Variants in SLIT2 observed in about 807,000 individuals in gnomAD.
SLIT2 encodes slit homolog 2 protein.
SLIT2 carries 41 observed loss-of-function variants against 185.7 expected under a neutral mutation model. The observed-to-expected ratio is 0.22, with a 90% CI of 0.17 to 0.29. SLIT2 has a LOEUF of 0.29. SLIT2 is among the 10% of genes least tolerant of loss of function. The pLI, the probability that SLIT2 is intolerant of heterozygous loss-of-function variation, is 1.00. For missense variants in SLIT2, 1,571 were observed against 1,909.0 expected, an observed-to-expected ratio of 0.82 and a Z score of 3.30; for synonymous variants, 693 against 680.2, an observed-to-expected ratio of 1.02 and a Z score of -0.29.
In SLIT2 at chr4:20,472,453, GATAT is replaced by G. The variant is rs1232535835; in HGVS notation, c.467+4633_467+4636del. On this transcript the variant is annotated intron_variant, in intron 5 of 36. Coordinates refer to ENST00000504154, the MANE Select transcript of SLIT2 (RefSeq NM_004787.4). ...ATATCTATAGATATATATCTATATA[GATAT>G]ATCTATATCTATATATAGATATATA... Among the ~76,000 whole-genome samples, 2 of 23,460 alleles carry G rather than the reference GATAT, an allele frequency of 8.5e-5. 1 individual carries two copies. The highest frequency in any genetic ancestry group is 1.5e-4 in the Non-Finnish European group (2 of 13,266). The allele number at this position is 23,460 out of a possible 152,430, so 15.4% of individuals were successfully genotyped here. A position where few individuals can be genotyped will look rare whatever the true frequency, so the allele number is the denominator to read the frequency against.
At chr4:20,278,549 A>T (rs542719630) in intron 4 of SLIT2, among the ~76,000 whole-genome samples, 1 of 152,150 alleles carries the variant, frequency 6.6e-6, no homozygotes, top group Admixed American at 6.5e-5. Context: ...ACAAAAACCC[A>T]GAAATAGGAA....
intron 9 of SLIT2, among the ~76,000 whole-genome samples, chr4:20,499,815 T>C (rs1041892734): frequency 3.9e-5 from 6 of 152,182 alleles, no homozygotes; most frequent in Admixed American, 2.6e-4. Context: ...TGTAAAGATA[T>C]GCAAGTTAGA....
At chr4:20,472,414 ATCTATATATATAGATATC>A (rs1715383745) in intron 5 of SLIT2, among the ~76,000 whole-genome samples, 1 of 87,252 alleles carries the variant, frequency 1.1e-5, no homozygotes, top group Admixed American at 1.5e-4. Context: ...ATATCTATAT[ATCTATATATATAGATATC>A]TATAGATATA....
intron 11 of SLIT2, among the ~76,000 whole-genome samples, chr4:20,515,338 T>C (rs1292484309): frequency 6.6e-6 from 1 of 152,182 alleles, no homozygotes; most frequent in African/African-American, 2.4e-5. Flanking sequence ...TCCCAGAGAA[T>C]CTTTCTTTAT....
chr4:20,322,938 G>C (rs148499470), intron 4 of SLIT2, among the ~76,000 whole-genome samples: 11 of 152,222 alleles, frequency 7.2e-5, no homozygotes, highest in Admixed American at 5.2e-4. Context: ...TACATCAGTG[G>C]ATTAGTTGAG....
chr4:20,443,307 C>T (rs1488019618), intron 4 of SLIT2, among the ~76,000 whole-genome samples: 1 of 152,070 alleles, frequency 6.6e-6, no homozygotes. Context: ...TAATTTCTTT[C>T]CACATGAGAG....
At chr4:20,583,046 T>G (rs1423053304) in intron 29 of SLIT2, among the ~76,000 whole-genome samples, 2 of 152,238 alleles carry the variant, frequency 1.3e-5, no homozygotes, top group African/African-American at 2.4e-5. Context: ...ATTGTTTATT[T>G]CTGGAATTTT....
chr4:20,592,607 G>A (rs1392462729), intron 30 of SLIT2, among the ~76,000 whole-genome samples: 2 of 152,086 alleles, frequency 1.3e-5, no homozygotes, highest in Admixed American at 6.6e-5. Flanking sequence ...CAGCCGCTAT[G>A]GTGGATGTGT....
intron 9 of SLIT2, among the ~76,000 whole-genome samples, chr4:20,493,711 G>A (rs1258120263): frequency 1.3e-5 from 2 of 152,076 alleles, no homozygotes; most frequent in Non-Finnish European, 2.9e-5. Context: ...TAAAACTAAG[G>A]GCGGTTGTCA....
intron 4 of SLIT2, among the ~76,000 whole-genome samples, chr4:20,342,434 GT>G (rs1721032575): frequency 6.6e-6 from 1 of 151,952 alleles, no homozygotes; most frequent in East Asian, 1.9e-4. Context: ...TGCTAACAGG[GT>G]TTTACCACAT....
In SLIT2 at chr4:20,253,968, G is replaced by A. The variant is rs1722247955; in HGVS notation, c.153G>A (p.Arg51=). Reference sequence around the variant, plus strand: ...GGCTGGCGCTGCGCAGCGTGCCCAGGAATATCCCCCGCAACACCGAGAGAC... The same window carrying A: ...GGCTGGCGCTGCGCAGCGTGCCCAGAAATATCCCCCGCAACACCGAGAGAC... ...CHGLALRSVP[R]NIPRNTERLD... is the part of the protein sequence containing the mutation. Residue 51 remains arginine, a synonymous_variant, in exon 1 of 37, where the codon AGG becomes AGA. Transcript: ENST00000504154. The A allele has an allele frequency of 1.2e-6, 2 of 1,602,848 alleles. No individual in the cohort carries two copies. The highest frequency in any genetic ancestry group is 1.7e-6 in the Non-Finnish European group (2 of 1,179,686).
chr4:20,256,733 C>T lies in SLIT2; in HGVS notation c.241C>T (p.Leu81=). The change falls in exon 2 of 37, where the codon CTA becomes TTA. Residue 81 remains leucine, a synonymous_variant. Coordinates refer to ENST00000504154, the MANE Select transcript of SLIT2 (RefSeq NM_004787.4). ...TKTDFAGLRH[L]RVLQLMENKI... is the part of the protein sequence containing the mutation. ...GACAGATTTTGCTGGTCTTAGACAT[C>T]TAAGAGTTCTGTAAGTGCATCCTCT... 1 of 1,523,198 alleles carries T rather than the reference C, an allele frequency of 6.6e-7. No individual in the cohort carries two copies. Among genetic ancestry groups the T allele is most frequent in the Non-Finnish European group, 9.0e-7 (1 of 1,108,658 alleles). 94.4% of individuals were successfully genotyped at this position (1,523,198 alleles called of 1,614,324 possible).
At chr4:20,300,580 G>T (rs529911410) in intron 4 of SLIT2, among the ~76,000 whole-genome samples, 2 of 149,040 alleles carry the variant, frequency 1.3e-5, no homozygotes, top group South Asian at 2.2e-4. Context: ...TAGTTGTCTC[G>T]CACATGTAGA....
chr4:20,326,290 A>ATTG lies in SLIT2; in HGVS notation c.395+57421_395+57423dup, dbSNP rs921732505. ...AGACTCTATCTACTGTGTCTTGTTT[A>ATTG]TTGTTGTTGTTGTTTTTCTTCCCAT... On this transcript the variant is annotated intron_variant, in intron 4 of 36. Coordinates refer to ENST00000504154, the MANE Select transcript of SLIT2 (RefSeq NM_004787.4). Among the ~76,000 whole-genome samples the ATTG allele has an allele frequency of 3.3e-5, 5 of 151,930 alleles. No individual in the cohort carries two copies. In the South Asian group the frequency reaches 1.0e-3, roughly 32 times the overall value.
At chr4:20,406,960 G>A (rs918454604) in intron 4 of SLIT2, among the ~76,000 whole-genome samples, 3 of 151,914 alleles carry the variant, frequency 2.0e-5, no homozygotes, top group Non-Finnish European at 4.4e-5. Context: ...TCGAACAATG[G>A]ATTATCATAT....
intron 29 of SLIT2, among the ~76,000 whole-genome samples, chr4:20,586,649 G>T (rs1457299037): frequency 6.6e-6 from 1 of 152,172 alleles, no homozygotes; most frequent in Non-Finnish European, 1.5e-5. Flanking sequence ...TAGTAAGCAT[G>T]ATATAAATGC....
At chr4:20,477,433 G>A (rs990950455) in intron 5 of SLIT2, among the ~76,000 whole-genome samples, 3 of 152,026 alleles carry the variant, frequency 2.0e-5, no homozygotes, top group African/African-American at 7.2e-5. Context: ...CCCTGACCTC[G>A]GGTCATCCAC....
intron 4 of SLIT2, among the ~76,000 whole-genome samples, chr4:20,450,340 G>C (rs1291372983): frequency 2.0e-5 from 3 of 151,932 alleles, no homozygotes; most frequent in African/African-American, 7.3e-5. Context: ...TTTTTTTATT[G>C]GGACATTAAA....
chr4:20,573,428 T>C (rs1725796497), intron 29 of SLIT2, among the ~76,000 whole-genome samples: 2 of 152,310 alleles, frequency 1.3e-5, no homozygotes, highest in South Asian at 2.1e-4. Context: ...TATGCATCGC[T>C]ATGACAAACA....
Sources: gnomAD v4.1 joint callset for allele counts (sites outside exome capture counted in the v4.1 genomes callset) on GRCh38, gnomAD v4.1.1 for gene constraint, MANE v1.5 for transcripts, NCBI Gene and HGNC (gene_info 2026-07-23, HGNC 2026-07-21) for gene names.